KIF13B: variants seen among roughly 807,000 people sequenced by gnomAD.
KIF13B encodes the protein kinesin family member 13B.
KIF13B carries 127 observed loss-of-function variants against 222.0 expected under a neutral mutation model. That is an observed-to-expected ratio of 0.57 (90% CI 0.50 to 0.66). The LOEUF is 0.66. Among genes scored for constraint, KIF13B ranks in the 30% least tolerant of loss-of-function variants. The probability of loss-of-function intolerance (pLI) is 0.00; values close to 1 mark genes in which losing one functional copy is unlikely to be tolerated. For missense variants in KIF13B, 2,173 were observed against 2,379.0 expected, an observed-to-expected ratio of 0.91 and a Z score of 1.80; for synonymous variants, 976 against 919.0, an observed-to-expected ratio of 1.06 and a Z score of -1.12.
rs187121799 is a variant in KIF13B at position 29,072,893 on chromosome 8, G to A, written c.4522-577C>T. On this transcript the variant is annotated intron_variant, in intron 38 of 39. Transcript: ENST00000524189. ...AGCCCCTGCCCACCCCCAACCTCAC[G>A]AAGAGACTGAGTCACTAAAGAGACC... Among the ~76,000 whole-genome samples the A allele has an allele frequency of 2.0e-3, 304 of 152,170 alleles. 1 individual carries two copies. The highest frequency in any genetic ancestry group is 2.8e-3 in the Non-Finnish European group (193 of 68,000).
At chr8:29,193,381 G>A (rs1366273941) in intron 3 of KIF13B, among the ~76,000 whole-genome samples, 2 of 152,192 alleles carry the variant, frequency 1.3e-5, no homozygotes, top group African/African-American at 2.4e-5. Context: ...CAAACTGGGG[G>A]GAGCTGCCTT....
chr8:29,204,233 G>A (rs185800028), intron 2 of KIF13B, among the ~76,000 whole-genome samples: 105 of 152,208 alleles, frequency 6.9e-4, no homozygotes, highest in African/African-American at 2.5e-3. Context: ...ATAATCATAG[G>A]ACTTTAGAAA....
chr8:29,225,143 A>G (rs931779282), intron 2 of KIF13B, among the ~76,000 whole-genome samples: 1 of 152,216 alleles, frequency 6.6e-6, no homozygotes, highest in Non-Finnish European at 1.5e-5. Flanking sequence ...TTGGAGTTGA[A>G]GCTGTTTCAG....
intron 3 of KIF13B, 80 bp downstream of exon 3, chr8:29,196,107 T>C (rs1274229198): frequency 2.5e-6 from 3 of 1,192,610 alleles, no homozygotes; most frequent in East Asian, 2.6e-5. Context: ...ATTTTCCTTT[T>C]TGAGAAGAAA....
chr8:29,236,469 A>G (rs1815512659), intron 2 of KIF13B, among the ~76,000 whole-genome samples: 1 of 152,184 alleles, frequency 6.6e-6, no homozygotes, highest in South Asian at 2.1e-4. Flanking sequence ...TCTCCATAAC[A>G]AAAGTTTTTA....
intron 14 of KIF13B, 39 bp from the exon 15 acceptor site, chr8:29,150,422 G>T: frequency 2.1e-6 from 2 of 968,402 alleles, no homozygotes; most frequent in Non-Finnish European, 3.2e-6. Context: ...GATGAGTACA[G>T]TATCATGTCT....
In KIF13B at chr8:29,071,876, C is replaced by G. The variant is rs1251543765; in HGVS notation, c.4962G>C (p.Ser1654=). ...SPFRVRRVRA[S]ELRSFSRMLA... The stretch of plus-strand genomic sequence containing the variant: ...GCATGCGCGAGAAGGAGCGCAACTC[C>G]GAGGCCCGCACCCTCCGGACGCGGA... The change falls in exon 39 of 40, where the codon TCG becomes TCC. Residue 1654 remains serine (S), a synonymous_variant. Coordinates refer to ENST00000524189, the MANE Select transcript of KIF13B (RefSeq NM_015254.4). The surrounding 1 kb of genome is among the most constrained non-coding windows in gnomAD (Gnocchi z 4.9). 5.2e-6 allele frequency: 8 copies of G among 1,534,110 alleles called. No homozygotes were observed. Among genetic ancestry groups the G allele is most frequent in the Non-Finnish European group, 7.0e-6 (8 of 1,145,346 alleles).
Position 29,166,919 on chromosome 8 carries a change from A to C in KIF13B, c.1158+454T>G, listed in dbSNP as rs1229722661. ...AAAATATTTTCTACAAACGTAATTA[A>C]TCCACAACATGGAAAAGCTAGATTA... On this transcript the variant is annotated intron_variant, in intron 11 of 39. Coordinates refer to ENST00000524189, the MANE Select transcript of KIF13B (RefSeq NM_015254.4). Among the ~76,000 whole-genome samples the C allele has an allele frequency of 2.0e-5, 3 of 152,224 alleles. No homozygotes were observed. In the East Asian group the frequency reaches 5.8e-4, roughly 29 times the overall value.
intron 1 of KIF13B, among the ~76,000 whole-genome samples, chr8:29,258,179 C>T (rs539352731): frequency 1.1e-3 from 160 of 152,300 alleles, no homozygotes; most frequent in African/African-American, 3.6e-3. Flanking sequence ...CCTTCATTTC[C>T]TAAGGGTCAC....
chr8:29,072,681 A>C (rs987031685), intron 38 of KIF13B, among the ~76,000 whole-genome samples: 31 of 152,132 alleles, frequency 2.0e-4, no homozygotes, highest in Non-Finnish European at 3.8e-4. Context: ...CAGGCTCAAG[A>C]GCACTGACCA....
chr8:29,203,402 T>C (rs1439704635), intron 2 of KIF13B, among the ~76,000 whole-genome samples: 1 of 152,234 alleles, frequency 6.6e-6, no homozygotes, highest in African/African-American at 2.4e-5. Flanking sequence ...ATTAAATTTC[T>C]CAGTTTAATC....
chr8:29,083,078 A>G (rs1257830501), intron 37 of KIF13B, among the ~76,000 whole-genome samples: 1 of 152,142 alleles, frequency 6.6e-6, no homozygotes, highest in African/African-American at 2.4e-5. Context: ...GCAATGAGCC[A>G]TGATCACACC....
intron 2 of KIF13B, among the ~76,000 whole-genome samples, chr8:29,211,665 T>C (rs977543348): frequency 6.6e-6 from 1 of 152,110 alleles, no homozygotes; most frequent in Admixed American, 6.5e-5. Context: ...AAACAACTAG[T>C]ACTGAGGAAG....
intron 5 of KIF13B, among the ~76,000 whole-genome samples, chr8:29,187,433 A>G (rs2130324458): frequency 6.6e-6 from 1 of 152,312 alleles, no homozygotes; most frequent in South Asian, 2.1e-4. Flanking sequence ...CCGGAGGCTG[A>G]GGCAGAAGAA....
chr8:29,106,081 T>C (rs1252541277), intron 35 of KIF13B, among the ~76,000 whole-genome samples: 1 of 152,228 alleles, frequency 6.6e-6, no homozygotes, highest in Non-Finnish European at 1.5e-5. Flanking sequence ...CCTTAAGATA[T>C]TTTACTTACA....
rs763567000 is a variant in KIF13B, at chr8:29,070,544, C to T, written c.5441G>A (p.Ser1814Asn). Residue 1814 changes from serine to asparagine, a missense_variant, in exon 40 of 40, where the codon AGC becomes AAC. Ser to Asn is a conservative substitution (Grantham distance 46, BLOSUM62 1). Coordinates refer to ENST00000524189, the MANE Select transcript of KIF13B (RefSeq NM_015254.4). The surrounding 1 kb of genome is among the most constrained non-coding windows in gnomAD (Gnocchi z 4.1). ...TTTCCGGTTCTCAGGGTTCTTGTGG[C>T]TCCTGTCGGCCTTGGCCAGGGCAGC... The part of the protein sequence containing the change: ...LTAALAKADR[S>N]HKNPENRKSW... 2.5e-6 allele frequency: 4 copies of T among 1,609,578 alleles called. No individual in the cohort carries two copies. In the Admixed American group the frequency reaches 6.7e-5, roughly 27 times the overall value.
chr8:29,099,158 G>A lies in KIF13B; in HGVS notation c.4299C>T (p.Pro1433=). 2 of 1,613,106 alleles carry A rather than the reference G, an allele frequency of 1.2e-6. No homozygotes were observed. Among genetic ancestry groups the A allele is most frequent in the East Asian group, 4.5e-5 (2 of 44,854 alleles). Residue 1433 remains proline, a synonymous_variant, in exon 36 of 40, where the codon CCC becomes CCT. Transcript: ENST00000524189. ...IAPAPALSVS[P]QNNHSPDPGL... ...CTGGATCTGGAGAATGGTTATTTTGGGGAGAAACAGAGAGGGCGGGGGCAG... is the reference window on the plus strand; with the variant it reads ...CTGGATCTGGAGAATGGTTATTTTGAGGAGAAACAGAGAGGGCGGGGGCAG...
At chr8:29,093,673 G>A (rs377366249) in intron 36 of KIF13B, among the ~76,000 whole-genome samples, 6 of 152,082 alleles carry the variant, frequency 3.9e-5, no homozygotes, top group Non-Finnish European at 8.8e-5. Flanking sequence ...AAACTTACTG[G>A]CAATTCAGTT....
chr8:29,186,581 GAAATACACCC>G (rs1812939591), intron 5 of KIF13B, 109 bp from the exon 6 acceptor site: 8 of 755,084 alleles, frequency 1.1e-5, no homozygotes, highest in Non-Finnish European at 1.7e-5. Flanking sequence ...AATGCAGTGA[GAAATACACCC>G]AAATATAATG....
Sources: allele counts gnomAD v4.1 joint callset (sites outside exome capture counted in the v4.1 genomes callset), GRCh38; gene constraint gnomAD v4.1.1; non-coding constraint Gnocchi (gnomAD v3.1); transcripts MANE v1.5; gene names NCBI Gene and HGNC (gene_info 2026-07-23, HGNC 2026-07-21).